The following RP1 variants were observed in gnomAD, a reference collection of about 807,000 sequenced individuals.
RP1 encodes the protein RP1 axonemal microtubule associated, also known as oxygen-regulated protein 1.
In RP1, 16 loss-of-function variants were observed where a neutral mutation model predicts 14.8. The observed-to-expected ratio is 1.08, with a 90% CI of 0.73 to 1.65. RP1 has a LOEUF of 1.65. Ranked by LOEUF, RP1 falls within the 40% of genes most tolerant of loss-of-function variation. RP1 has a pLI of 0.00. For missense variants in RP1, 2,631 were observed against 2,535.0 expected (o/e 1.04, Z -0.81); for synonymous variants, 876 against 883.6 (o/e 0.99, Z 0.15).
chr8:54,703,540 A>C (rs1020045255), intron 14 of RP1, among the ~76,000 whole-genome samples: 3 of 152,140 alleles, frequency 2.0e-5, no homozygotes, highest in African/African-American at 7.2e-5. Context: ...ATTTAGTATA[A>C]TTCCAAAGGG....
At chr8:54,857,495 A>ATATAT (rs1434948808) in intron 27 of RP1, among the ~76,000 whole-genome samples, 1 of 151,138 alleles carries the variant, frequency 6.6e-6, no homozygotes, top group Admixed American at 6.6e-5. Flanking sequence ...TATTGACTGA[A>ATATAT]TATATTAAAT....
chr8:54,811,824 A>C (rs1391404621), intron 24 of RP1, among the ~76,000 whole-genome samples: 1 of 152,202 alleles, frequency 6.6e-6, no homozygotes, highest in Non-Finnish European at 1.5e-5. Context: ...TTAGGATTTG[A>C]CAGATAATTT....
At chr8:54,700,885 C>T (rs1480420003) in intron 13 of RP1, among the ~76,000 whole-genome samples, 2 of 152,036 alleles carry the variant, frequency 1.3e-5, no homozygotes, top group Non-Finnish European at 2.9e-5. Flanking sequence ...ATAGCTCTGC[C>T]GCCTCCCTGC....
intron 3 of RP1, among the ~76,000 whole-genome samples, chr8:54,641,197 A>G (rs1223786858): frequency 6.6e-6 from 1 of 152,162 alleles, no homozygotes; most frequent in South Asian, 2.1e-4. Context: ...TGCCCTCCTC[A>G]GCCTCCTGAA....
chr8:54,744,791 T>C (rs1809184804), intron 19 of RP1, among the ~76,000 whole-genome samples: 1 of 152,244 alleles, frequency 6.6e-6, no homozygotes, highest in Non-Finnish European at 1.5e-5. Flanking sequence ...AATTCAGTAA[T>C]CTTTATGTCT....
At chr8:54,706,655 A>G (rs1808157114) in exon 15 of RP1, 2 of 1,535,870 alleles carry the variant, frequency 1.3e-6, no homozygotes, top group Non-Finnish European at 1.7e-6. Flanking sequence ...GCGATGGAAC[A>G]GTAAGCATCT....
chr8:54,766,032 G>T (rs950513895), intron 22 of RP1, among the ~76,000 whole-genome samples: 1 of 152,110 alleles, frequency 6.6e-6, no homozygotes, highest in Non-Finnish European at 1.5e-5. Context: ...AGGGAGGGGG[G>T]TAAGGACGAT....
intron 24 of RP1, among the ~76,000 whole-genome samples, chr8:54,783,955 A>G (rs1810253904): frequency 6.6e-6 from 1 of 152,164 alleles, no homozygotes; most frequent in South Asian, 2.1e-4. Flanking sequence ...GCATTTTAGA[A>G]CATTTAAAAA....
At chr8:54,752,015 G>A (rs1226679518) in intron 19 of RP1, among the ~76,000 whole-genome samples, 2 of 152,186 alleles carry the variant, frequency 1.3e-5, no homozygotes, top group Non-Finnish European at 2.9e-5. Flanking sequence ...AATTTGCATG[G>A]AGAGGTTAAT....
chr8:54,682,473 C>T (rs1807458317), intron 12 of RP1, among the ~76,000 whole-genome samples: 1 of 151,914 alleles, frequency 6.6e-6, no homozygotes, highest in Non-Finnish European at 1.5e-5. Context: ...GAGTATATAC[C>T]CACAGGAATA....
chr8:54,810,768 C>T (rs1585712312), intron 24 of RP1, among the ~76,000 whole-genome samples: 1 of 152,156 alleles, frequency 6.6e-6, no homozygotes, highest in African/African-American at 2.4e-5. Flanking sequence ...GTCCAACATG[C>T]CACAGAAGAT....
At chr8:54,811,071 G>A (rs1170024913) in intron 24 of RP1, among the ~76,000 whole-genome samples, 2 of 152,168 alleles carry the variant, frequency 1.3e-5, no homozygotes, top group Non-Finnish European at 2.9e-5. Context: ...TTGCTACCCT[G>A]AAGCATCCTC....
chr8:54,801,097 T>G (rs1810693888), intron 24 of RP1, among the ~76,000 whole-genome samples: 1 of 152,244 alleles, frequency 6.6e-6, no homozygotes, highest in Non-Finnish European at 1.5e-5. Context: ...TTACCTTCAG[T>G]GTAACTTCAC....
In RP1 at chr8:54,628,029, G is replaced by A; in HGVS notation, c.4147G>A (p.Gly1383Arg). The A allele has an allele frequency of 6.2e-7, 1 of 1,613,942 alleles. No homozygotes were observed. The highest frequency in any genetic ancestry group is 1.1e-5 in the South Asian group (1 of 91,068). Residue 1383 changes from glycine to arginine, a missense_variant, in exon 4 of 4, where the codon GGA becomes AGA. By Grantham distance (125) the Gly-to-Arg change is moderately radical (BLOSUM62 -2). Transcript: ENST00000220676. ...TTTGACAGACCCTGAATATAAAAAT[G>A]GATTTAATACATTGGTGTCACATCA... ...NILTDPEYKN[G>R]FNTLVSHQNV... is the part of the protein sequence containing the mutation.
intron 7 of RP1, among the ~76,000 whole-genome samples, chr8:54,666,411 G>T (rs1807018834): frequency 6.6e-6 from 1 of 152,024 alleles, no homozygotes; most frequent in African/African-American, 2.4e-5. Flanking sequence ...TGTTCTCTGT[G>T]GTACCAGGGA....
intron 25 of RP1, among the ~76,000 whole-genome samples, chr8:54,848,277 C>G (rs1238896734): frequency 6.6e-6 from 1 of 152,182 alleles, no homozygotes; most frequent in African/African-American, 2.4e-5. Context: ...CTCCTCTGAG[C>G]CCCAAGGCTT....
chr8:54,853,836 GAGAA>G (rs1241644888), intron 26 of RP1, among the ~76,000 whole-genome samples: 7 of 129,894 alleles, frequency 5.4e-5, no homozygotes, highest in Non-Finnish European at 9.8e-5. Context: ...AACAAAGAGA[GAGAA>G]AGAAAGAGAA....
At chr8:54,788,339 G>A (rs1207007486) in intron 24 of RP1, among the ~76,000 whole-genome samples, 1 of 152,132 alleles carries the variant, frequency 6.6e-6, no homozygotes, top group Non-Finnish European at 1.5e-5. Flanking sequence ...GTCCATGTGG[G>A]CCTACAAACT....
intron 19 of RP1, among the ~76,000 whole-genome samples, chr8:54,741,193 T>C (rs540511446): frequency 1.3e-5 from 2 of 152,212 alleles, no homozygotes; most frequent in East Asian, 3.9e-4. Context: ...AAAAGAAAAA[T>C]ATTTTTTATG....
Sources: gnomAD v4.1 joint callset for allele counts (sites outside exome capture counted in the v4.1 genomes callset) on GRCh38, gnomAD v4.1.1 for gene constraint, MANE v1.5 for transcripts, NCBI Gene and HGNC (gene_info 2026-07-23, HGNC 2026-07-21) for gene names.